Variants in SMURF1 observed in about 807,000 individuals in gnomAD.
The protein encoded by SMURF1 is E3 ubiquitin-protein ligase SMURF1.
SMURF1 carries 44 observed loss-of-function variants against 98.0 expected under a neutral mutation model. That is an observed-to-expected ratio of 0.45 (90% CI 0.35 to 0.58). The LOEUF (loss-of-function observed/expected upper bound fraction) is 0.58. Ranked by LOEUF, SMURF1 falls within the 20% of genes least tolerant of loss-of-function variation. The probability of loss-of-function intolerance (pLI) is 0.00; values close to 1 mark genes in which losing one functional copy is unlikely to be tolerated. For missense variants in SMURF1, 687 were observed against 938.4 expected (o/e 0.73, Z 3.50); for synonymous variants, 396 against 374.9 (o/e 1.06, Z -0.65).
chr7:99,061,147 G>GT (rs746326516), intron 2 of SMURF1, among the ~76,000 whole-genome samples: 122 of 152,322 alleles, frequency 8.0e-4, no homozygotes, highest in Non-Finnish European at 1.5e-3. Context: ...GTGGACAGTT[G>GT]TCAGAGATAG....
rs148239363 is a variant in SMURF1, at chr7:99,096,396, A to G, written c.56-34559T>C. 2.7e-4 allele frequency among the ~76,000 whole-genome samples: 41 copies of G among 152,362 alleles called. 1 individual carries two copies. In the East Asian group the frequency reaches 7.7e-3, roughly 29 times the overall value. The stretch of plus-strand genomic sequence containing the variant: ...TACACAAGACACAGAGTCTCAGAAC[A>G]TAATAACCAAAATGTCAAGGATAAA... On this transcript the variant is annotated intron_variant, in intron 1 of 17. Coordinates refer to ENST00000361368, the MANE Select transcript of SMURF1 (RefSeq NM_181349.3).
chr7:99,135,765 A>T (rs2150649413), intron 1 of SMURF1, among the ~76,000 whole-genome samples: 1 of 152,364 alleles, frequency 6.6e-6, no homozygotes, highest in East Asian at 1.9e-4. Flanking sequence ...TCCTACATGC[A>T]GAATTGCTAG....
intron 8 of SMURF1, chr7:99,049,968 T>C: frequency 3.0e-6 from 1 of 333,642 alleles, no homozygotes; most frequent in South Asian, 1.0e-4. Context: ...ATCCCAGCAC[T>C]CTGGGAGGCA....
At position 99,121,998 on chromosome 7, in the gene SMURF1, G is replaced by GA. The variant is rs1392251940; in HGVS notation, c.55+21727dup. 2.0e-5 allele frequency among the ~76,000 whole-genome samples: 3 copies of GA among 152,272 alleles called. No individual in the cohort carries two copies. The East Asian group carries it at 5.8e-4, about 29-fold the overall frequency. Reference sequence around the variant, plus strand: ...ATATAGTCAGCAACAAACGATGCTGGACCCAAGGAAAAGACTACAAGAACC... The same window carrying GA: ...ATATAGTCAGCAACAAACGATGCTGGAACCCAAGGAAAAGACTACAAGAACC... On this transcript the variant is annotated intron_variant, in intron 1 of 17. Coordinates refer to ENST00000361368, the MANE Select transcript of SMURF1 (RefSeq NM_181349.3).
intron 5 of SMURF1, 27 bp from the exon 6 acceptor site, chr7:99,054,892 TAA>T: frequency 6.2e-7 from 1 of 1,606,146 alleles, no homozygotes; most frequent in East Asian, 2.2e-5. Context: ...CGACTTGTGT[TAA>T]AACCCAGCGG....
At chr7:99,053,929 A>G (rs1403124015) in intron 6 of SMURF1, among the ~76,000 whole-genome samples, 1 of 152,084 alleles carries the variant, frequency 6.6e-6, no homozygotes, top group East Asian at 1.9e-4. Flanking sequence ...CATGGCAGTT[A>G]TAATTCTTTT....
At chr7:99,055,663 G>A (rs1795859862) in intron 5 of SMURF1, among the ~76,000 whole-genome samples, 1 of 151,652 alleles carries the variant, frequency 6.6e-6, no homozygotes, top group African/African-American at 2.4e-5. Context: ...TCTGACTTAA[G>A]TTTAATAAAG....
intron 14 of SMURF1, among the ~76,000 whole-genome samples, chr7:99,037,616 C>T (rs1484668493): frequency 3.3e-5 from 5 of 152,228 alleles, no homozygotes; most frequent in Non-Finnish European, 7.3e-5. Flanking sequence ...CTCTCCAAGA[C>T]AGACAAACAC....
chr7:99,037,101 T>G lies in SMURF1; in HGVS notation c.1775A>C (p.His592Pro), dbSNP rs1230105234. The G allele has an allele frequency of 1.7e-5, 28 of 1,613,990 alleles. No homozygotes were observed. Among genetic ancestry groups the G allele is most frequent in the Non-Finnish European group, 2.3e-5 (27 of 1,180,042 alleles). ...CTTCTGGTCAAAAGGCTTCAGCAGATGTTGAGGGATGAGCTCATTGAACCC... is the reference window on the plus strand; with the variant it reads ...CTTCTGGTCAAAAGGCTTCAGCAGAGGTTGAGGGATGAGCTCATTGAACCC... ...QKGFNELIPQHLLKPFDQKEL... is the reference protein window; with the variant it reads ...QKGFNELIPQPLLKPFDQKEL... The change falls in exon 15 of 18, where the codon CAT becomes CCT. Residue 592 changes from histidine (H) to proline (P), a missense_variant. His to Pro is a moderately conservative substitution (Grantham distance 77). Transcript: ENST00000361368.
intron 1 of SMURF1, among the ~76,000 whole-genome samples, chr7:99,126,920 A>G (rs767737736): frequency 3.9e-5 from 6 of 152,154 alleles, no homozygotes; most frequent in Admixed American, 6.5e-5. Flanking sequence ...ACATAACAGA[A>G]GTTTATTTCT....
chr7:99,062,539 A>T (rs1796056831), intron 1 of SMURF1, among the ~76,000 whole-genome samples: 1 of 152,190 alleles, frequency 6.6e-6, no homozygotes, highest in Non-Finnish European at 1.5e-5. Context: ...ACAAAAAATG[A>T]TAAAATGCAC....
chr7:99,113,276 AAGAG>A (rs1313518282), intron 1 of SMURF1, among the ~76,000 whole-genome samples: 1 of 152,208 alleles, frequency 6.6e-6, no homozygotes, highest in African/African-American at 2.4e-5. Context: ...TGAAAACAGC[AAGAG>A]AGAAACAACT....
chr7:99,087,478 G>A (rs993311198), intron 1 of SMURF1, among the ~76,000 whole-genome samples: 5 of 152,028 alleles, frequency 3.3e-5, no homozygotes, highest in African/African-American at 9.7e-5. Flanking sequence ...CTTACTAGAG[G>A]ATGTTAAGTC....
At chr7:99,133,003 G>C (rs925576411) in intron 1 of SMURF1, among the ~76,000 whole-genome samples, 1 of 152,078 alleles carries the variant, frequency 6.6e-6, no homozygotes, top group African/African-American at 2.4e-5. Context: ...GGCTAGAAAG[G>C]GATAGCTCCA....
At chr7:99,065,744 C>A (rs558417790) in intron 1 of SMURF1, among the ~76,000 whole-genome samples, 11 of 152,286 alleles carry the variant, frequency 7.2e-5, no homozygotes, top group Admixed American at 6.5e-4. Flanking sequence ...ACCTTACCAG[C>A]CCCCATCAAA....
chr7:99,045,870 T>A, intron 10 of SMURF1, 69 bp from the exon 11 acceptor site: 4 of 1,236,748 alleles, frequency 3.2e-6, no homozygotes. Flanking sequence ...AGGTCATTGA[T>A]AATGGAGCCC....
intron 1 of SMURF1, among the ~76,000 whole-genome samples, chr7:99,101,163 T>C (rs765506704): frequency 2.6e-5 from 4 of 152,122 alleles, no homozygotes; most frequent in Non-Finnish European, 5.9e-5. Context: ...GTGAAAGGAA[T>C]GTCCCATCCC....
intron 5 of SMURF1, 142 bp downstream of exon 5, chr7:99,057,063 G>A (rs890809491): frequency 4.3e-6 from 3 of 699,846 alleles, no homozygotes; most frequent in Non-Finnish European, 7.4e-6. Flanking sequence ...AAACTTCCTA[G>A]TACTGAAGAG....
rs909962837 is a variant in SMURF1 at position 99,030,192 on chromosome 7, C to G, written c.*392G>C. On this transcript the variant is annotated 3_prime_UTR_variant, in exon 18 of 18. Transcript: ENST00000361368. Reference sequence around the variant, plus strand: ...TGAGATGGAATAGCTGGCATAGCCACCAGTTCCAAACCCTCAATCAGCCAC... The same window carrying G: ...TGAGATGGAATAGCTGGCATAGCCAGCAGTTCCAAACCCTCAATCAGCCAC... 6.0e-6 allele frequency: 1 copy of G among 167,462 alleles called. No homozygotes were observed. Among genetic ancestry groups the G allele is most frequent in the Non-Finnish European group, 1.3e-5 (1 of 77,166 alleles). 10.4% of individuals were successfully genotyped at this position (167,462 alleles called of 1,614,324 possible).
Sources: gnomAD v4.1 joint callset for allele counts (sites outside exome capture counted in the v4.1 genomes callset) on GRCh38, gnomAD v4.1.1 for gene constraint, MANE v1.5 for transcripts, NCBI Gene and HGNC (gene_info 2026-07-23, HGNC 2026-07-21) for gene names.